The following MTSS1 variants were observed in gnomAD, a reference collection of about 807,000 sequenced individuals.
MTSS1 encodes the protein protein MTSS 1.
MTSS1 carries 18 observed loss-of-function variants against 79.0 expected under a neutral mutation model. That is an observed-to-expected ratio of 0.23 (90% CI 0.16 to 0.34). The LOEUF is 0.34. Ranked by LOEUF, MTSS1 falls within the 10% of genes least tolerant of loss-of-function variation. The pLI, the probability that MTSS1 is intolerant of heterozygous loss-of-function variation, is 1.00. For missense variants in MTSS1, 815 were observed against 986.2 expected, an observed-to-expected ratio of 0.83 and a Z score of 2.33; for synonymous variants, 341 against 368.6, an observed-to-expected ratio of 0.93 and a Z score of 0.86.
chr8:124,681,769 C>A (rs1826168331), intron 3 of MTSS1, among the ~76,000 whole-genome samples: 1 of 151,872 alleles, frequency 6.6e-6, no homozygotes, highest in Non-Finnish European at 1.5e-5. Context: ...GCCTCAGTGA[C>A]AAGAGCAAAA....
intron 3 of MTSS1, among the ~76,000 whole-genome samples, chr8:124,662,678 G>A (rs1163543150): frequency 2.7e-5 from 4 of 147,408 alleles, no homozygotes; most frequent in South Asian, 2.2e-4. Context: ...GAGAGTAAAC[G>A]AAAGCTATTA....
chr8:124,625,976 A>G (rs1235898200), intron 3 of MTSS1, among the ~76,000 whole-genome samples: 2 of 151,692 alleles, frequency 1.3e-5, no homozygotes, highest in African/African-American at 4.8e-5. Flanking sequence ...TAGTTTAAGC[A>G]TAATGAACAC....
intron 1 of MTSS1, among the ~76,000 whole-genome samples, chr8:124,708,037 A>C (rs1224651478): frequency 6.6e-6 from 1 of 152,212 alleles, no homozygotes; most frequent in African/African-American, 2.4e-5. Context: ...ATTCCCTTAT[A>C]ATGATGATAA....
At chr8:124,655,585 A>G (rs989419627) in intron 3 of MTSS1, among the ~76,000 whole-genome samples, 2 of 152,234 alleles carry the variant, frequency 1.3e-5, no homozygotes, top group African/African-American at 4.8e-5. Context: ...AAAGATAAAG[A>G]TGAAAGCTTT....
intron 3 of MTSS1, among the ~76,000 whole-genome samples, chr8:124,638,350 T>C (rs1230520820): frequency 2.0e-5 from 3 of 152,250 alleles, no homozygotes; most frequent in African/African-American, 7.2e-5. Flanking sequence ...CATCAGTGTT[T>C]GTGATCAAAT....
intron 5 of MTSS1, among the ~76,000 whole-genome samples, chr8:124,588,577 G>T (rs4871506): frequency 0.53 from 81,004 of 152,078 alleles, 22,038 homozygotes; most frequent in African/African-American, 0.64. Context: ...TTGTCTCACC[G>T]ACCTGGGACA....
intron 3 of MTSS1, among the ~76,000 whole-genome samples, chr8:124,678,846 C>T (rs924598821): frequency 1.3e-5 from 2 of 152,232 alleles, no homozygotes; most frequent in East Asian, 1.9e-4. Flanking sequence ...TCTACCATCA[C>T]GGAACCTGCA....
At chr8:124,715,962 G>A (rs1399681632) in intron 1 of MTSS1, among the ~76,000 whole-genome samples, 1 of 152,226 alleles carries the variant, frequency 6.6e-6, no homozygotes, top group Non-Finnish European at 1.5e-5. Context: ...AACAACAAGT[G>A]TTTAGAAGGG....
intron 3 of MTSS1, among the ~76,000 whole-genome samples, chr8:124,615,242 G>C (rs1371947641): frequency 6.6e-6 from 1 of 152,172 alleles, no homozygotes; most frequent in African/African-American, 2.4e-5. Flanking sequence ...GCCATGCTGG[G>C]GGGTAGGCAG....
At position 124,552,901 on chromosome 8, in the gene MTSS1, CTT is replaced by C. The variant is rs937528526; in HGVS notation, c.*89_*90del. On this transcript the variant is annotated 3_prime_UTR_variant, in exon 14 of 14. Coordinates refer to ENST00000518547, the MANE Select transcript of MTSS1 (RefSeq NM_014751.6). ...CTATATTCCGAGTTGCCTACAAAAT[CTT>C]TTGTTTTATTATAGAGTGGAATGGA... The C allele has an allele frequency of 7.4e-7, 1 of 1,351,922 alleles. No homozygotes were observed. The highest frequency in any genetic ancestry group is 1.0e-6 in the Non-Finnish European group (1 of 988,792). 83.7% of individuals were successfully genotyped at this position (1,351,922 alleles called of 1,614,324 possible).
intron 3 of MTSS1, among the ~76,000 whole-genome samples, chr8:124,690,004 C>T (rs1434339891): frequency 3.3e-5 from 5 of 152,052 alleles, no homozygotes; most frequent in Non-Finnish European, 7.4e-5. Context: ...TGCACGGTGG[C>T]TCTGTTAGCT....
chr8:124,582,450 C>T lies in MTSS1; in HGVS notation c.460+2637G>A, dbSNP rs1830207008. ...CGTCAAGGATGGTGGTAAAACCATG[C>T]TTACATGCACAAAGGCACTTGAAAT... On this transcript the variant is annotated intron_variant, in intron 6 of 13. Coordinates refer to ENST00000518547, the MANE Select transcript of MTSS1 (RefSeq NM_014751.6). The surrounding 1 kb of genome is among the most constrained non-coding windows in gnomAD (Gnocchi z 4.8). Among the ~76,000 whole-genome samples the T allele has an allele frequency of 6.6e-6, 1 of 152,190 alleles. No homozygotes were observed. Among genetic ancestry groups the T allele is most frequent in the East Asian group, 1.9e-4 (1 of 5,188 alleles).
chr8:124,701,627 A>T (rs1193065332), intron 2 of MTSS1, among the ~76,000 whole-genome samples: 3 of 152,238 alleles, frequency 2.0e-5, no homozygotes, highest in African/African-American at 7.2e-5. Context: ...CTCAATGCCA[A>T]TCATCCAAAT....
intron 3 of MTSS1, among the ~76,000 whole-genome samples, chr8:124,624,028 C>G (rs1206056493): frequency 6.6e-6 from 1 of 152,192 alleles, no homozygotes; most frequent in East Asian, 1.9e-4. Flanking sequence ...GTCAGCTCAT[C>G]GAAGCTATCA....
intron 3 of MTSS1, among the ~76,000 whole-genome samples, chr8:124,606,481 T>C (rs1308149742): frequency 6.6e-6 from 1 of 152,090 alleles, no homozygotes; most frequent in Non-Finnish European, 1.5e-5. Context: ...ATTTTACAGA[T>C]GAGGCCAAGG....
chr8:124,611,531 A>C (rs1835821955), intron 3 of MTSS1, among the ~76,000 whole-genome samples: 1 of 151,898 alleles, frequency 6.6e-6, no homozygotes, highest in Non-Finnish European at 1.5e-5. Context: ...CATTCTGTCC[A>C]TGCAGAACAG....
chr8:124,707,674 C>T (rs1419052143), intron 1 of MTSS1, among the ~76,000 whole-genome samples: 1 of 151,866 alleles, frequency 6.6e-6, no homozygotes, highest in Non-Finnish European at 1.5e-5. Flanking sequence ...CACCACTGCA[C>T]TCCAGCCTAG....
intron 3 of MTSS1, among the ~76,000 whole-genome samples, chr8:124,642,133 G>A (rs938053797): frequency 3.9e-5 from 6 of 152,164 alleles, no homozygotes; most frequent in African/African-American, 9.7e-5. Context: ...CATAACAGGC[G>A]CAGTTCACTG....
chr8:124,673,700 T>A (rs1824729205), intron 3 of MTSS1, among the ~76,000 whole-genome samples: 1 of 152,214 alleles, frequency 6.6e-6, no homozygotes, highest in African/African-American at 2.4e-5. Flanking sequence ...TCTTGCCTTG[T>A]GTTAGGGCAT....
Sources: gnomAD v4.1 joint callset for allele counts (sites outside exome capture counted in the v4.1 genomes callset) on GRCh38, gnomAD v4.1.1 for gene constraint, Gnocchi (gnomAD v3.1) non-coding constraint, MANE v1.5 for transcripts, NCBI Gene and HGNC (gene_info 2026-07-23, HGNC 2026-07-21) for gene names.